The following CSN2 variants were observed in gnomAD, a reference collection of about 807,000 sequenced individuals.
CSN2 encodes casein beta.
In CSN2, 27 loss-of-function variants were observed where a neutral mutation model predicts 27.3. That is an observed-to-expected ratio of 0.99 (90% confidence interval 0.73 to 1.36). The LOEUF is 1.36. CSN2 is among the 40% of genes most tolerant of loss of function. The pLI is 0.00. For missense variants in CSN2, 333 were observed against 264.5 expected (o/e 1.26, Z -1.80); for synonymous variants, 131 against 94.8 (o/e 1.38, Z -2.22).
At chr4:69,961,666 T>C (rs1450684149) in intron 1 of CSN2, among the ~76,000 whole-genome samples, 16 of 152,154 alleles carry the variant, frequency 1.1e-4, no homozygotes, top group Admixed American at 6.6e-4. Flanking sequence ...CCGTTAAAAA[T>C]TGGCACAAGA....
intron 7 of CSN2, 47 bp downstream of exon 7, chr4:69,956,267 T>A: frequency 8.1e-7 from 1 of 1,233,874 alleles, no homozygotes; most frequent in Non-Finnish European, 1.1e-6. Context: ...TAAAAAGACA[T>A]CATGTATAAA....
In CSN2 at chr4:69,965,716, C is replaced by T. The variant is rs1032558396; in HGVS notation, c.-48G>A. On this transcript the variant is annotated 5_prime_UTR_variant, in exon 1 of 8. Coordinates refer to ENST00000353151, the MANE Select transcript of CSN2 (RefSeq NM_001891.4). ...AGATTGAAGAGAAGTGAAGGTAGTG[C>T]TGGATGGATGATGGTCCATCAGCTT... is the stretch of plus-strand genomic sequence containing the variant. Among the ~76,000 whole-genome samples the T allele has an allele frequency of 6.6e-6, 1 of 151,906 alleles. No individual in the cohort carries two copies. The highest frequency in any genetic ancestry group is 1.9e-4 in the East Asian group (1 of 5,168).
In CSN2 at chr4:69,960,065, A is replaced by G. The variant is rs1126865; in HGVS notation, c.66T>C (p.Leu22=). The G allele has an allele frequency of 3.1e-6, 5 of 1,611,840 alleles. No homozygotes were observed. In the African/African-American group the frequency reaches 6.7e-5, roughly 22 times the overall value. ...LALARETIES[L]SSSEESITEY... ...AATGTTAACTTACCTCACTGCTTGA[A>G]AGGCTTTCTATGGTCTGTGGGAAAA... Residue 22 remains leucine (L), a synonymous_variant, in exon 3 of 8, where the codon CTT becomes CTC. Transcript: ENST00000353151.
At chr4:69,957,862 A>G in intron 5 of CSN2, 58 bp from the exon 6 acceptor site, 1 of 1,385,418 alleles carries the variant, frequency 7.2e-7, no homozygotes, top group Non-Finnish European at 1.0e-6. Context: ...TGCCATTCAT[A>G]ATGAATTCAT....
At chr4:69,963,667 C>T (rs1723691420) in intron 1 of CSN2, among the ~76,000 whole-genome samples, 1 of 152,080 alleles carries the variant, frequency 6.6e-6, no homozygotes, top group Non-Finnish European at 1.5e-5. Flanking sequence ...AGCACACCAA[C>T]ATGGCACATG....
intron 1 of CSN2, among the ~76,000 whole-genome samples, chr4:69,963,066 C>A (rs904442299): frequency 1.6e-4 from 24 of 151,854 alleles, no homozygotes; most frequent in African/African-American, 5.3e-4. Context: ...GAATGGCGAT[C>A]ATTAAAAAGT....
At chr4:69,956,833 A>T (rs1262295701) in intron 6 of CSN2, among the ~76,000 whole-genome samples, 6 of 152,160 alleles carry the variant, frequency 3.9e-5, no homozygotes, top group African/African-American at 1.4e-4. Context: ...AGTTTCCTCT[A>T]CACAAAAAAC....
chr4:69,963,263 G>A (rs1222322365), intron 1 of CSN2, among the ~76,000 whole-genome samples: 1 of 148,358 alleles, frequency 6.7e-6, no homozygotes, highest in East Asian at 1.9e-4. Flanking sequence ...TATAAATCAT[G>A]CTGCTATAAA....
chr4:69,960,199 T>C (rs895088179), intron 2 of CSN2, 120 bp from the exon 3 acceptor site: 3 of 838,460 alleles, frequency 3.6e-6, no homozygotes, highest in Admixed American at 2.5e-5. Context: ...TGCATTGGAT[T>C]GTTCCTTCTG....
intron 1 of CSN2, among the ~76,000 whole-genome samples, chr4:69,961,382 C>T (rs1723574975): frequency 6.6e-6 from 1 of 152,084 alleles, no homozygotes; most frequent in Non-Finnish European, 1.5e-5. Context: ...AGCTTATCCA[C>T]CATGATCAAG....
Position 69,965,696 on chromosome 4 carries a change from G to C in CSN2, c.-28C>G, listed in dbSNP as rs1054205461. On this transcript the variant is annotated 5_prime_UTR_variant, in exon 1 of 8. Coordinates refer to ENST00000353151, the MANE Select transcript of CSN2 (RefSeq NM_001891.4). ...AAATTCTTACCGTTTTTCCAAGATT[G>C]AAGAGAAGTGAAGGTAGTGCTGGAT... 6.6e-6 allele frequency among the ~76,000 whole-genome samples: 1 copy of C among 151,924 alleles called. No individual in the cohort carries two copies. Among genetic ancestry groups the C allele is most frequent in the Non-Finnish European group, 1.5e-5 (1 of 67,894 alleles).
chr4:69,962,239 A>G (rs1041333740), intron 1 of CSN2, among the ~76,000 whole-genome samples: 1 of 152,176 alleles, frequency 6.6e-6, no homozygotes, highest in Non-Finnish European at 1.5e-5. Context: ...ACTACTTTAA[A>G]GTTCATATGG....
At chr4:69,958,857 T>C (rs1340336539) in intron 5 of CSN2, 52 bp downstream of exon 5, 1 of 1,081,496 alleles carries the variant, frequency 9.2e-7, no homozygotes, top group Non-Finnish European at 1.3e-6. Flanking sequence ...TATTTTTGTA[T>C]GTATTATACT....
chr4:69,957,247 C>G (rs753153101), intron 6 of CSN2, 27 bp downstream of exon 6: 2 of 1,507,064 alleles, frequency 1.3e-6, no homozygotes, highest in Non-Finnish European at 1.8e-6. Flanking sequence ...TTGAATGAAA[C>G]AGCAAAGCCA....
At chr4:69,956,503 AAAATAAAT>A (rs567888173) in intron 6 of CSN2, 148 bp from the exon 7 acceptor site, 12 of 517,908 alleles carry the variant, frequency 2.3e-5, no homozygotes, top group African/African-American at 7.9e-5. Context: ...AGGCTTGTGT[AAAATAAAT>A]AAATAAATAA....
intron 1 of CSN2, among the ~76,000 whole-genome samples, chr4:69,961,409 G>C (rs1469465458): frequency 1.3e-5 from 2 of 152,132 alleles, no homozygotes; most frequent in Non-Finnish European, 2.9e-5. Flanking sequence ...TCATCCCTGG[G>C]ATGCAAGGCT....
chr4:69,956,172 C>T (rs184173583), intron 7 of CSN2, 142 bp downstream of exon 7: 6 of 424,290 alleles, frequency 1.4e-5, no homozygotes, highest in African/African-American at 1.0e-4. Flanking sequence ...AAATGATAGT[C>T]AACCATTAAA....
chr4:69,957,400 C>G lies in CSN2; in HGVS notation c.549G>C (p.Val183=). 1 of 1,613,420 alleles carries G rather than the reference C, an allele frequency of 6.2e-7. No homozygotes were observed. The highest frequency in any genetic ancestry group is 1.1e-5 in the South Asian group (1 of 91,036). Residue 183 remains valine (V), a synonymous_variant, in exon 6 of 8, where the codon GTG becomes GTC. Transcript: ENST00000353151. ...QPKVLPIPQQ[V]VPYPQRAVPV... is the part of the protein sequence containing the mutation. ...GCACAGCTCTCTGAGGGTAGGGCACCACTTGCTGGGGGATAGGCAGGACTT... is the reference window on the plus strand; with the variant it reads ...GCACAGCTCTCTGAGGGTAGGGCACGACTTGCTGGGGGATAGGCAGGACTT...
At chr4:69,959,002 AAGG>A (rs774711240) in intron 4 of CSN2, 44 bp downstream of exon 4, 2 of 1,542,344 alleles carry the variant, frequency 1.3e-6, no homozygotes, top group Non-Finnish European at 8.9e-7. Flanking sequence ...TAAAGATTAA[AAGG>A]AGGAAATTTT....
Sources: allele counts gnomAD v4.1 joint callset (sites outside exome capture counted in the v4.1 genomes callset), GRCh38; gene constraint gnomAD v4.1.1; transcripts MANE v1.5; gene names NCBI Gene and HGNC (gene_info 2026-07-23, HGNC 2026-07-21).